IL1RAPL2: variants seen among roughly 807,000 people sequenced by gnomAD.
IL1RAPL2 encodes interleukin 1 receptor accessory protein like 2.
A neutral mutation model predicts 44.1 loss-of-function variants in IL1RAPL2; 3 were observed. The observed-to-expected ratio is 0.07, with a 90% CI of 0.03 to 0.18. IL1RAPL2 has a LOEUF of 0.18. Among genes scored for constraint, IL1RAPL2 ranks in the 10% least tolerant of loss-of-function variants. The pLI is 1.00. For synonymous variants in IL1RAPL2, 181 were observed against 178.8 expected (o/e 1.01, Z -0.10); for missense variants, 391 against 496.4 (o/e 0.79, Z 2.02).
intron 2 of IL1RAPL2, among the ~76,000 whole-genome samples, chrX:105,041,849 A>G (rs1407420079): frequency 6.3e-5 from 7 of 111,038 alleles, no homozygotes; most frequent in Non-Finnish European, 1.3e-4. Context: ...ACAGTAACCA[A>G]AAGAGCATGG....
In IL1RAPL2 at chrX:105,534,472, G is replaced by C. The variant is rs139428233; in HGVS notation, c.772+50085G>C. ...TTCTATGATGTAATTGTTACACATT[G>C]CATGCCTGTATCAAAATATCTCATG... On this transcript the variant is annotated intron_variant, in intron 6 of 10. Transcript: ENST00000372582. Among the ~76,000 whole-genome samples, 618 of 111,071 alleles carry C rather than the reference G, an allele frequency of 5.6e-3. 7 individuals are homozygous for C. The highest frequency in any genetic ancestry group is 0.019 in the African/African-American group (596 of 30,627).
intron 2 of IL1RAPL2, among the ~76,000 whole-genome samples, chrX:104,669,038 A>G (rs1216738406): frequency 9.0e-6 from 1 of 111,666 alleles, no homozygotes; most frequent in Non-Finnish European, 1.9e-5. Flanking sequence ...TAGGTATTCA[A>G]AAGCCAAAGG....
intron 5 of IL1RAPL2, among the ~76,000 whole-genome samples, chrX:105,466,994 A>T (rs371222288): frequency 1.8e-5 from 2 of 110,870 alleles, no homozygotes; most frequent in East Asian, 5.8e-4. Flanking sequence ...TAAGCCATTA[A>T]TCCATAAATG....
chrX:105,541,250 A>C (rs985811943), intron 6 of IL1RAPL2, among the ~76,000 whole-genome samples: 3 of 111,008 alleles, frequency 2.7e-5, no homozygotes, highest in African/African-American at 9.8e-5. Context: ...ACAAAGCGTA[A>C]GTGGATGAAC....
chrX:105,191,844 T>C (rs1224899454), intron 2 of IL1RAPL2, among the ~76,000 whole-genome samples: 2 of 111,936 alleles, frequency 1.8e-5, no homozygotes, highest in African/African-American at 6.5e-5. Flanking sequence ...TCAGGGGAAG[T>C]AGTGAAATTC....
intron 5 of IL1RAPL2, among the ~76,000 whole-genome samples, chrX:105,395,564 A>G (rs1358925703): frequency 1.8e-5 from 2 of 110,725 alleles, no homozygotes; most frequent in Non-Finnish European, 3.8e-5. Context: ...GTGTTGTATA[A>G]ATAGTACAAT....
chrX:105,301,182 CTTA>C (rs1023852210), intron 5 of IL1RAPL2, among the ~76,000 whole-genome samples: 3 of 111,466 alleles, frequency 2.7e-5, no homozygotes, highest in Non-Finnish European at 5.7e-5. Flanking sequence ...AAGTTTGAGT[CTTA>C]TTATATTTGG....
chrX:104,976,223 C>T (rs767166073), intron 2 of IL1RAPL2, among the ~76,000 whole-genome samples: 15 of 110,802 alleles, frequency 1.4e-4, no homozygotes, highest in Non-Finnish European at 2.6e-4. Context: ...TAAAAGACAC[C>T]CTAGTGGTCA....
intron 2 of IL1RAPL2, among the ~76,000 whole-genome samples, chrX:104,997,979 A>G (rs899725842): frequency 1.8e-5 from 2 of 111,345 alleles, no homozygotes; most frequent in African/African-American, 6.5e-5. Context: ...TAGGATTCCT[A>G]AGCATGTAGC....
chrX:105,513,543 G>A (rs2036488118), intron 6 of IL1RAPL2, among the ~76,000 whole-genome samples: 1 of 112,053 alleles, frequency 8.9e-6, no homozygotes, highest in African/African-American at 3.2e-5. Context: ...TTTTTCATAT[G>A]TTTGTTGGCT....
At chrX:104,647,579 G>A (rs1930067455) in intron 1 of IL1RAPL2, 3 of 516,304 alleles carry the variant, frequency 5.8e-6, no homozygotes, top group Non-Finnish European at 1.1e-5. Context: ...CTCTCTCTGG[G>A]TGATTAGTTC....
chrX:105,409,865 CAGATAGAT>C (rs1211944715), intron 5 of IL1RAPL2, among the ~76,000 whole-genome samples: 12 of 45,160 alleles, frequency 2.7e-4, no homozygotes, highest in African/African-American at 6.2e-4. Flanking sequence ...GACAGACAGA[CAGATAGAT>C]AGAGTGTGGG....
At chrX:105,489,787 T>TCTC (rs2036299898) in intron 6 of IL1RAPL2, among the ~76,000 whole-genome samples, 8 of 73,389 alleles carry the variant, frequency 1.1e-4, no homozygotes, top group South Asian at 9.6e-4. Context: ...CTTTCTCTCT[T>TCTC]TCTCTCTCTC....
chrX:105,707,675 T>A (rs1367884862), intron 6 of IL1RAPL2, among the ~76,000 whole-genome samples: 1 of 112,154 alleles, frequency 8.9e-6, no homozygotes, highest in Non-Finnish European at 1.9e-5. Flanking sequence ...TTTCTACTTT[T>A]CTCTGCTCAT....
intron 2 of IL1RAPL2, among the ~76,000 whole-genome samples, chrX:104,718,572 C>T (rs1931621349): frequency 9.0e-6 from 1 of 110,920 alleles, no homozygotes; most frequent in African/African-American, 3.3e-5. Context: ...TACTCTCTCT[C>T]TCCTGCAGCC....
Position 104,925,484 on chromosome X carries a change from T to C in IL1RAPL2, c.82+266489T>C, listed in dbSNP as rs928155782. 2.7e-5 allele frequency among the ~76,000 whole-genome samples: 3 copies of C among 111,038 alleles called. No homozygotes were observed. The East Asian group carries it at 8.5e-4, about 31-fold the overall frequency. On this transcript the variant is annotated intron_variant, in intron 2 of 10. Transcript: ENST00000372582. The stretch of plus-strand genomic sequence containing the variant: ...CCAGCAAACCAAATCCAGCAACACA[T>C]CAAAAAAGCTAATCCACCACGATCA...
At chrX:105,222,669 G>A (rs1365104264) in intron 3 of IL1RAPL2, among the ~76,000 whole-genome samples, 1 of 111,933 alleles carries the variant, frequency 8.9e-6, no homozygotes, top group African/African-American at 3.3e-5. Flanking sequence ...GGGATGGAGA[G>A]AAGAGTGTAG....
At chrX:104,909,148 C>T (rs977371755) in intron 2 of IL1RAPL2, among the ~76,000 whole-genome samples, 2 of 112,130 alleles carry the variant, frequency 1.8e-5, no homozygotes, top group Non-Finnish European at 1.9e-5. Flanking sequence ...GCTCCTGAGG[C>T]TTCTGCATTA....
chrX:104,955,384 T>C (rs1925685729), intron 2 of IL1RAPL2, among the ~76,000 whole-genome samples: 2 of 109,750 alleles, frequency 1.8e-5, no homozygotes, highest in Admixed American at 2.0e-4. Context: ...ATGTAGATAG[T>C]CCTTTCTAAG....
Sources: allele counts gnomAD v4.1 joint callset (sites outside exome capture counted in the v4.1 genomes callset), GRCh38; gene constraint gnomAD v4.1.1; transcripts MANE v1.5; gene names NCBI Gene and HGNC (gene_info 2026-07-23, HGNC 2026-07-21).